TMEM167A: variants seen among roughly 807,000 people sequenced by gnomAD.
The protein encoded by TMEM167A is protein kish-A.
Under a neutral mutation model 11.6 loss-of-function variants are expected in TMEM167A, and 8 were observed. The ratio of observed to expected loss-of-function variants is 0.69; its 90% confidence interval spans 0.40 to 1.24. TMEM167A has a LOEUF of 1.24. Ranked by LOEUF, TMEM167A falls within the 50% of genes most tolerant of loss-of-function variation. TMEM167A has a pLI of 0.01. For synonymous variants in TMEM167A, 22 were observed against 28.0 expected (o/e 0.79, Z 0.67); for missense variants, 62 against 87.0 (o/e 0.71, Z 1.14).
chr5:83,055,610 C>G lies in TMEM167A; in HGVS notation c.*1474G>C, dbSNP rs977421276. On this transcript the variant is annotated 3_prime_UTR_variant, in exon 4 of 4. Transcript: ENST00000502346. ...AAACAAACAAAAAATCCCCAGATAA[C>G]AAAATACAGAAAATCAAACCAAAAC... 2 of 151,762 alleles carry G rather than the reference C, an allele frequency of 1.3e-5. No homozygotes were observed. Among genetic ancestry groups the G allele is most frequent in the African/African-American group, 4.8e-5 (2 of 41,332 alleles). The allele number at this position is 151,762 out of a possible 1,614,324, so 9.4% of individuals were successfully genotyped here. A position where few individuals can be genotyped will look rare whatever the true frequency, so the allele number is the denominator to read the frequency against.
chr5:83,062,850 C>CTT (rs76736747), intron 2 of TMEM167A, among the ~76,000 whole-genome samples: 251 of 139,100 alleles, frequency 1.8e-3, no homozygotes, highest in Middle Eastern at 7.6e-3. Flanking sequence ...TTATAGTATA[C>CTT]TTTTTTTTTT....
chr5:83,065,478 G>A (rs1744468397), intron 1 of TMEM167A, among the ~76,000 whole-genome samples: 1 of 152,078 alleles, frequency 6.6e-6, no homozygotes, highest in South Asian at 2.1e-4. Flanking sequence ...TAGGCTAATA[G>A]ATTTTGGAGA....
intron 1 of TMEM167A, among the ~76,000 whole-genome samples, chr5:83,065,944 G>A (rs1255848578): frequency 2.0e-5 from 3 of 152,010 alleles, no homozygotes; most frequent in Non-Finnish European, 4.4e-5. Flanking sequence ...AAGTTTCCTT[G>A]AATCCATCTG....
chr5:83,065,814 A>T (rs1178966378), intron 1 of TMEM167A, among the ~76,000 whole-genome samples: 2 of 152,208 alleles, frequency 1.3e-5, no homozygotes, highest in African/African-American at 4.8e-5. Context: ...CACAAGAGTC[A>T]TAAGAAACCA....
At chr5:83,057,215 G>A (rs1174949233) in intron 3 of TMEM167A, 61 bp from the exon 4 acceptor site, 1 of 1,444,240 alleles carries the variant, frequency 6.9e-7, no homozygotes, top group Non-Finnish European at 9.7e-7. Flanking sequence ...GCTATGACAA[G>A]GTTATACTAC....
intron 3 of TMEM167A, among the ~76,000 whole-genome samples, chr5:83,058,168 T>C (rs1744358447): frequency 6.6e-6 from 1 of 152,066 alleles, no homozygotes; most frequent in African/African-American, 2.4e-5. Flanking sequence ...AAACTACCTC[T>C]AGAAAATGTT....
intron 2 of TMEM167A, chr5:83,064,300 G>T: frequency 1.9e-6 from 1 of 518,646 alleles, no homozygotes. Context: ...ACATATTCCT[G>T]CTCCCAAGGA....
At chr5:83,076,680 A>AT (rs769374891) in intron 1 of TMEM167A, among the ~76,000 whole-genome samples, 7 of 152,264 alleles carry the variant, frequency 4.6e-5, no homozygotes, top group Non-Finnish European at 1.0e-4. Flanking sequence ...AGAAATATAC[A>AT]TAACATTTGG....
At chr5:83,072,388 GAAAAAAACA>G (rs1744574961) in intron 1 of TMEM167A, among the ~76,000 whole-genome samples, 1 of 151,996 alleles carries the variant, frequency 6.6e-6, no homozygotes, top group Non-Finnish European at 1.5e-5. Flanking sequence ...TTGCAATCAA[GAAAAAAACA>G]AAAACTGATA....
intron 3 of TMEM167A, among the ~76,000 whole-genome samples, chr5:83,057,761 T>A (rs1744353062): frequency 6.6e-6 from 1 of 152,122 alleles, no homozygotes; most frequent in Non-Finnish European, 1.5e-5. Context: ...GAACTAAAAC[T>A]AACCACTTCT....
intron 2 of TMEM167A, 107 bp downstream of exon 2, chr5:83,064,901 A>G: frequency 5.8e-6 from 4 of 687,006 alleles, no homozygotes; most frequent in Non-Finnish European, 9.6e-6. Context: ...AGTTATTATA[A>G]AACCAAATTA....
chr5:83,061,341 T>C (rs546986489), intron 3 of TMEM167A, among the ~76,000 whole-genome samples: 1 of 152,270 alleles, frequency 6.6e-6, no homozygotes, highest in South Asian at 2.1e-4. Context: ...CAAGAATGCA[T>C]GGTATTTGAT....
intron 1 of TMEM167A, among the ~76,000 whole-genome samples, chr5:83,076,046 T>C (rs16900146): frequency 0.025 from 3,817 of 152,334 alleles, 161 homozygotes; most frequent in African/African-American, 0.087. Flanking sequence ...TATTTCATCC[T>C]TAGTTATGTT....
intron 2 of TMEM167A, among the ~76,000 whole-genome samples, chr5:83,063,737 T>C (rs1744439910): frequency 6.6e-6 from 1 of 151,974 alleles, no homozygotes; most frequent in Non-Finnish European, 1.5e-5. Context: ...TGTTAGTTGA[T>C]TTAAAAAATG....
rs377377892 is a variant in TMEM167A, at chr5:83,077,384, A to T, written c.-61T>A. On this transcript the variant is annotated 5_prime_UTR_variant, in exon 1 of 4. The change abolishes an upstream ATG in the 5' untranslated region. Coordinates refer to ENST00000502346, the MANE Select transcript of TMEM167A (RefSeq NM_174909.5). ...CCGGGGCTCAGGCGGAAGAGGCTGCATGTCCCGTCTGCCCTTCTCGCCCTC... is the reference window on the plus strand; with the variant it reads ...CCGGGGCTCAGGCGGAAGAGGCTGCTTGTCCCGTCTGCCCTTCTCGCCCTC... 7 of 1,613,534 alleles carry T rather than the reference A, an allele frequency of 4.3e-6. No individual in the cohort carries two copies. In the African/African-American group the frequency reaches 8.0e-5, roughly 18 times the overall value.
At chr5:83,077,270 C>T (rs554175034) in intron 1 of TMEM167A, 51 bp downstream of exon 1, 2 of 1,614,164 alleles carry the variant, frequency 1.2e-6, no homozygotes, top group Admixed American at 1.7e-5. Flanking sequence ...TAGTCTAGAT[C>T]CACAACCCCT....
chr5:83,067,864 C>G (rs541068539), intron 1 of TMEM167A, among the ~76,000 whole-genome samples: 1 of 152,050 alleles, frequency 6.6e-6, no homozygotes, highest in Non-Finnish European at 1.5e-5. Context: ...CTAAGTGACA[C>G]TTTTATGGTC....
In TMEM167A at chr5:83,057,062, T is replaced by C; in HGVS notation, c.*22A>G. The C allele has an allele frequency of 4.4e-6, 7 of 1,607,802 alleles. No homozygotes were observed. The highest frequency in any genetic ancestry group is 1.3e-5 in the African/African-American group (1 of 74,862). ...GTTCACAATCAAATCTGATGGCAAC[T>C]ACATTCTGGCATTTTCCCCAGCTAC... is the stretch of plus-strand genomic sequence containing the variant. On this transcript the variant is annotated 3_prime_UTR_variant, in exon 4 of 4. Coordinates refer to ENST00000502346, the MANE Select transcript of TMEM167A (RefSeq NM_174909.5).
chr5:83,068,043 T>A (rs1159211311), intron 1 of TMEM167A, among the ~76,000 whole-genome samples: 2 of 152,200 alleles, frequency 1.3e-5, no homozygotes, highest in South Asian at 4.1e-4. Context: ...ATAACATAAA[T>A]CAATGAATTA....
Sources: gnomAD v4.1 joint callset for allele counts (sites outside exome capture counted in the v4.1 genomes callset) on GRCh38, gnomAD v4.1.1 for gene constraint, MANE v1.5 for transcripts, NCBI Gene and HGNC (gene_info 2026-07-23, HGNC 2026-07-21) for gene names.